Variants in GNA14 observed in about 807,000 individuals in gnomAD.
The protein encoded by GNA14 is G protein subunit alpha 14, also known as guanine nucleotide-binding protein subunit alpha-14.
In GNA14, 50 loss-of-function variants were observed where a neutral mutation model predicts 42.0. The ratio of observed to expected loss-of-function variants is 1.19; its 90% CI spans 0.95 to 1.51. The LOEUF (loss-of-function observed/expected upper bound fraction) is 1.51. GNA14 is among the 40% of genes most tolerant of loss of function. The pLI, the probability that GNA14 is intolerant of heterozygous loss-of-function variation, is 0.00. For missense variants in GNA14, 473 were observed against 446.2 expected (o/e 1.06, Z -0.54); for synonymous variants, 173 against 163.1 (o/e 1.06, Z -0.46).
chr9:77,605,871 G>A (rs975530720), intron 1 of GNA14, among the ~76,000 whole-genome samples: 13 of 152,064 alleles, frequency 8.5e-5, no homozygotes, highest in African/African-American at 2.9e-4. Context: ...AATTCCTTTC[G>A]AGTTCTAAGA....
At chr9:77,510,765 T>C (rs544001277) in intron 2 of GNA14, among the ~76,000 whole-genome samples, 5 of 152,244 alleles carry the variant, frequency 3.3e-5, no homozygotes, top group Admixed American at 2.6e-4. Flanking sequence ...ATCAGGCCCC[T>C]AGGATATAAT....
At chr9:77,495,847 C>T (rs1024027067) in intron 2 of GNA14, among the ~76,000 whole-genome samples, 1 of 152,126 alleles carries the variant, frequency 6.6e-6, no homozygotes, top group Non-Finnish European at 1.5e-5. Flanking sequence ...TTGTTCTGAG[C>T]TAACCTAGCC....
intron 2 of GNA14, among the ~76,000 whole-genome samples, chr9:77,495,900 T>C (rs1057408483): frequency 6.6e-6 from 1 of 152,122 alleles, no homozygotes; most frequent in East Asian, 1.9e-4. Context: ...ACAAGTAAAA[T>C]CATGTTCCTT....
At chr9:77,604,597 T>C (rs1409015287) in intron 1 of GNA14, among the ~76,000 whole-genome samples, 1 of 152,198 alleles carries the variant, frequency 6.6e-6, no homozygotes, top group Admixed American at 6.5e-5. Flanking sequence ...AAGCACCTGG[T>C]AATCCTGACC....
At chr9:77,481,896 T>G (rs1836558955) in intron 2 of GNA14, among the ~76,000 whole-genome samples, 1 of 152,324 alleles carries the variant, frequency 6.6e-6, no homozygotes, top group African/African-American at 2.4e-5. Context: ...GTTTTCCATT[T>G]GCTTGGTAGA....
At chr9:77,480,002 A>C (rs1054427655) in intron 2 of GNA14, among the ~76,000 whole-genome samples, 16 of 152,294 alleles carry the variant, frequency 1.1e-4, no homozygotes, top group African/African-American at 3.8e-4. Context: ...GCAAACAGGG[A>C]CAATTTGACT....
intron 2 of GNA14, among the ~76,000 whole-genome samples, chr9:77,446,092 GA>G (rs1835813310): frequency 6.6e-6 from 1 of 152,208 alleles, no homozygotes; most frequent in African/African-American, 2.4e-5. Flanking sequence ...GCAGAGGGCA[GA>G]AAACGTGAGT....
chr9:77,469,991 T>G (rs766670317), intron 2 of GNA14, among the ~76,000 whole-genome samples: 9 of 152,210 alleles, frequency 5.9e-5, no homozygotes, highest in Non-Finnish European at 1.2e-4. Context: ...TGAGTGATGC[T>G]GAGGAAGCAG....
intron 6 of GNA14, among the ~76,000 whole-genome samples, chr9:77,424,471 C>T (rs1375807359): frequency 3.9e-5 from 6 of 152,188 alleles, no homozygotes; most frequent in Non-Finnish European, 7.3e-5. Context: ...GATCCACCTG[C>T]CTTGGCCTCC....
At chr9:77,426,285 C>G (rs12352871) in intron 5 of GNA14, among the ~76,000 whole-genome samples, 33,294 of 151,634 alleles carry the variant, frequency 0.22, 3,994 homozygotes, top group African/African-American at 0.29. Context: ...TGATGGGTGA[C>G]CATACTGTTG....
At chr9:77,581,022 ACACACACACACACAC>A (rs1282828933) in intron 1 of GNA14, among the ~76,000 whole-genome samples, 2 of 151,870 alleles carry the variant, frequency 1.3e-5, no homozygotes, top group African/African-American at 4.8e-5. Flanking sequence ...ACACACACAC[ACACACACACACACAC>A]AATAGTACCC....
intron 1 of GNA14, among the ~76,000 whole-genome samples, chr9:77,644,592 C>T (rs1254772138): frequency 2.0e-5 from 3 of 152,164 alleles, no homozygotes; most frequent in Admixed American, 6.5e-5. Flanking sequence ...TGCTCTTGGA[C>T]TTCCAGCTCC....
intron 2 of GNA14, among the ~76,000 whole-genome samples, chr9:77,464,347 G>A (rs112276971): frequency 0.036 from 4,231 of 117,730 alleles, 196 homozygotes; most frequent in African/African-American, 0.13. Context: ...GTGTGTGTGT[G>A]TATATGTGTG....
At chr9:77,603,970 A>AAAAAAAAAAAAAAAAAAAAC (rs1823611334) in intron 1 of GNA14, among the ~76,000 whole-genome samples, 1 of 149,918 alleles carries the variant, frequency 6.7e-6, no homozygotes, top group African/African-American at 2.5e-5. Context: ...AAAAAAAAAA[A>AAAAAAAAAAAAAAAAAAAAC]AAAAAAAAAA....
chr9:77,536,365 A>C (rs780706064), intron 1 of GNA14, among the ~76,000 whole-genome samples: 1 of 152,104 alleles, frequency 6.6e-6, no homozygotes, highest in Non-Finnish European at 1.5e-5. Context: ...TGTGTGTGTG[A>C]GAGAGACAAG....
chr9:77,518,892 A>G (rs563593612), intron 2 of GNA14, among the ~76,000 whole-genome samples: 1 of 152,330 alleles, frequency 6.6e-6, no homozygotes, highest in South Asian at 2.1e-4. Flanking sequence ...ATTTAGATAA[A>G]ATACGCAGTT....
chr9:77,548,430 C>T (rs1022090703), intron 1 of GNA14, among the ~76,000 whole-genome samples: 11 of 152,162 alleles, frequency 7.2e-5, no homozygotes, highest in Non-Finnish European at 1.6e-4. Flanking sequence ...TTCACAGGTT[C>T]CAAATTCATC....
intron 1 of GNA14, among the ~76,000 whole-genome samples, chr9:77,612,276 A>T (rs1391100530): frequency 1.3e-5 from 2 of 152,148 alleles, no homozygotes. Flanking sequence ...ACACCCACTC[A>T]AAGAACTAAA....
At chr9:77,646,490 G>A (rs1412129612) in intron 1 of GNA14, among the ~76,000 whole-genome samples, 1 of 152,120 alleles carries the variant, frequency 6.6e-6, no homozygotes, top group Non-Finnish European at 1.5e-5. Context: ...CAGGGGATAA[G>A]GATAAGGGGG....
Sources: allele counts gnomAD v4.1 joint callset (sites outside exome capture counted in the v4.1 genomes callset), GRCh38; gene constraint gnomAD v4.1.1; transcripts MANE v1.5; gene names NCBI Gene and HGNC (gene_info 2026-07-23, HGNC 2026-07-21).